The following ANO10 variants were observed in gnomAD, a reference collection of about 807,000 sequenced individuals.
The protein encoded by ANO10 is anoctamin 10, also known as anoctamin-10.
In ANO10, 77 loss-of-function variants were observed where a neutral mutation model predicts 74.7. The ratio of observed to expected loss-of-function variants is 1.03; its 90% CI spans 0.86 to 1.25. The LOEUF is 1.25. Ranked by LOEUF, ANO10 falls within the 50% of genes most tolerant of loss-of-function variation. The pLI is 0.00. For missense variants in ANO10, 721 were observed against 778.1 expected, an observed-to-expected ratio of 0.93 and a Z score of 0.87; for synonymous variants, 279 against 284.9, an observed-to-expected ratio of 0.98 and a Z score of 0.21.
At chr3:43,643,533 G>A (rs1022459909) in intron 1 of ANO10, among the ~76,000 whole-genome samples, 1 of 151,730 alleles carries the variant, frequency 6.6e-6, no homozygotes, top group African/African-American at 2.4e-5. Context: ...AGGGAAATTG[G>A]GCGTCATTTC....
At chr3:43,408,564 TGAA>T (rs2092615906) in intron 12 of ANO10, among the ~76,000 whole-genome samples, 1 of 152,208 alleles carries the variant, frequency 6.6e-6, no homozygotes, top group South Asian at 2.1e-4. Context: ...GTCTGATGAC[TGAA>T]GAAGCCAAAC....
chr3:43,593,565 A>G (rs1032284306), intron 4 of ANO10, among the ~76,000 whole-genome samples: 2 of 152,236 alleles, frequency 1.3e-5, no homozygotes, highest in African/African-American at 2.4e-5. Context: ...ATGCTGAAAG[A>G]TTTTGTCACC....
At chr3:43,645,482 C>T (rs1229167023) in intron 1 of ANO10, among the ~76,000 whole-genome samples, 3 of 145,622 alleles carry the variant, frequency 2.1e-5, no homozygotes, top group South Asian at 4.4e-4. Flanking sequence ...AGTGAGACTC[C>T]GTCTCAAAAA....
chr3:43,562,883 T>C (rs1222582382), intron 8 of ANO10, among the ~76,000 whole-genome samples: 3 of 152,112 alleles, frequency 2.0e-5, no homozygotes, highest in African/African-American at 7.2e-5. Context: ...GGGGAAATAC[T>C]ACAGGACATT....
At chr3:43,556,428 A>G (rs2079752747) in intron 9 of ANO10, among the ~76,000 whole-genome samples, 1 of 151,938 alleles carries the variant, frequency 6.6e-6, no homozygotes, top group Admixed American at 6.6e-5. Context: ...CTTTCCAAAC[A>G]CAGCAGCGTG....
intron 11 of ANO10, among the ~76,000 whole-genome samples, chr3:43,490,076 G>A (rs945225098): frequency 5.9e-5 from 9 of 152,192 alleles, no homozygotes; most frequent in Admixed American, 1.3e-4. Flanking sequence ...ACATCAGGCC[G>A]TTCTCAACGT....
chr3:43,456,950 G>A (rs2075156785), intron 11 of ANO10, among the ~76,000 whole-genome samples: 1 of 152,152 alleles, frequency 6.6e-6, no homozygotes, highest in African/African-American at 2.4e-5. Flanking sequence ...CATCTATAAT[G>A]TGCCATGACA....
intron 11 of ANO10, among the ~76,000 whole-genome samples, chr3:43,504,186 T>C (rs893509089): frequency 1.3e-5 from 2 of 152,068 alleles, no homozygotes; most frequent in African/African-American, 4.8e-5. Flanking sequence ...GAGAATCACT[T>C]GAACCCAGGA....
intron 1 of ANO10, among the ~76,000 whole-genome samples, chr3:43,620,843 C>T (rs1164131177): frequency 6.6e-6 from 1 of 152,166 alleles, no homozygotes; most frequent in Non-Finnish European, 1.5e-5. Flanking sequence ...TTTCTATGCC[C>T]TTCCATTATT....
chr3:43,387,024 T>C lies in ANO10; in HGVS notation c.1915-20050A>G, dbSNP rs572470629. 5.0e-4 allele frequency among the ~76,000 whole-genome samples: 76 copies of C among 152,276 alleles called. 1 individual carries two copies. The highest frequency in any genetic ancestry group is 1.1e-3 in the Admixed American group (17 of 15,296). On this transcript the variant is annotated intron_variant, in intron 12 of 12. Coordinates refer to ENST00000292246, the MANE Select transcript of ANO10 (RefSeq NM_018075.5). ...CATACAGTCATATGTCCCTTAACGA[T>C]GGGACACGTTCTGAGAACTGTATTG... is the stretch of plus-strand genomic sequence containing the variant.
At chr3:43,646,299 CT>C (rs1233851830) in intron 1 of ANO10, among the ~76,000 whole-genome samples, 1 of 152,224 alleles carries the variant, frequency 6.6e-6, no homozygotes, top group Non-Finnish European at 1.5e-5. Context: ...AGAGGGGACT[CT>C]TTCCACTTCC....
chr3:43,507,175 A>G (rs1356559278), intron 11 of ANO10, among the ~76,000 whole-genome samples: 1 of 152,082 alleles, frequency 6.6e-6, no homozygotes, highest in African/African-American at 2.4e-5. Context: ...TGATAAGTAC[A>G]TTTCTCTCTG....
intron 12 of ANO10, among the ~76,000 whole-genome samples, chr3:43,383,875 C>A (rs542047675): frequency 6.6e-6 from 1 of 152,282 alleles, no homozygotes; most frequent in East Asian, 1.9e-4. Flanking sequence ...AGGATGCCCA[C>A]TTTCACTATT....
chr3:43,417,497 C>T (rs1214814491), intron 12 of ANO10, among the ~76,000 whole-genome samples: 4 of 152,118 alleles, frequency 2.6e-5, no homozygotes, highest in African/African-American at 9.7e-5. Flanking sequence ...CTTTTCCTCT[C>T]GGAAGTCCCC....
rs969036947 is a variant in ANO10 at position 43,441,101 on chromosome 3, T to C, written c.1798-8374A>G. On this transcript the variant is annotated intron_variant, in intron 11 of 12. Transcript: ENST00000292246. ...GCTTACATTATAAAAAAAAGAAAGA[T>C]CTCAAGTCAATAACTTGACTTTAAC... Among the ~76,000 whole-genome samples, 5 of 151,280 alleles carry C rather than the reference T, an allele frequency of 3.3e-5. No individual in the cohort carries two copies. In the South Asian group the frequency reaches 1.0e-3, roughly 32 times the overall value.
At chr3:43,550,122 A>T (rs1405205764) in intron 10 of ANO10, among the ~76,000 whole-genome samples, 4 of 152,106 alleles carry the variant, frequency 2.6e-5, no homozygotes, top group Admixed American at 2.6e-4. Flanking sequence ...CTGAATTGGG[A>T]ATACTGTTAA....
At chr3:43,535,325 G>A (rs2078666553) in intron 11 of ANO10, among the ~76,000 whole-genome samples, 1 of 147,892 alleles carries the variant, frequency 6.8e-6, no homozygotes, top group Non-Finnish European at 1.5e-5. Context: ...CACCAGGCTG[G>A]AGTACAATGG....
Position 43,605,803 on chromosome 3 carries a change from G to A in ANO10, c.50C>T (p.Pro17Leu). 6.2e-7 allele frequency: 1 copy of A among 1,613,644 alleles called. No homozygotes were observed. Among genetic ancestry groups the A allele is most frequent in the Non-Finnish European group, 8.5e-7 (1 of 1,179,756 alleles). Residue 17 changes from proline to leucine, a missense_variant, in exon 2 of 13, where the codon CCT (proline) becomes CTT (leucine). Coordinates refer to ENST00000292246, the MANE Select transcript of ANO10 (RefSeq NM_018075.5). ...ALDTSESSFT[P>L]LVVIELAQDV... ...CTGAGCAAGTTCTATGACCACCAAAGGTGTGAAAGAACTCTCAGAAGTATC... is the reference window on the plus strand; with the variant it reads ...CTGAGCAAGTTCTATGACCACCAAAAGTGTGAAAGAACTCTCAGAAGTATC...
chr3:43,560,797 C>A (rs1575426863), intron 9 of ANO10, among the ~76,000 whole-genome samples: 1 of 152,178 alleles, frequency 6.6e-6, no homozygotes, highest in East Asian at 1.9e-4. Context: ...AAAATTCAAT[C>A]TTCAGATTGG....
Sources: gnomAD v4.1 joint callset for allele counts (sites outside exome capture counted in the v4.1 genomes callset) on GRCh38, gnomAD v4.1.1 for gene constraint, MANE v1.5 for transcripts, NCBI Gene and HGNC (gene_info 2026-07-23, HGNC 2026-07-21) for gene names.